The following C21orf91 variants were observed in gnomAD, a reference collection of about 807,000 sequenced individuals.
C21orf91 encodes the protein protein EURL homolog.
Under a neutral mutation model 32.9 loss-of-function variants are expected in C21orf91, and 26 were observed. That is an observed-to-expected ratio of 0.79 (90% confidence interval 0.58 to 1.10). The LOEUF is 1.10. C21orf91 is among the 50% of genes least tolerant of loss of function. The probability of loss-of-function intolerance (pLI) is 0.00; values close to 1 mark genes in which losing one functional copy is unlikely to be tolerated. For synonymous variants in C21orf91, 126 were observed against 120.4 expected (o/e 1.05, Z -0.31); for missense variants, 310 against 341.3 (o/e 0.91, Z 0.72).
At chr21:17,794,009 AC>A (rs1360640617) in intron 4 of C21orf91, among the ~76,000 whole-genome samples, 1 of 152,240 alleles carries the variant, frequency 6.6e-6, no homozygotes, top group Non-Finnish European at 1.5e-5. Context: ...TCCTACTCTT[AC>A]GTGCCTCAGG....
At chr21:17,802,648 T>C (rs2062569777) in intron 2 of C21orf91, among the ~76,000 whole-genome samples, 1 of 152,210 alleles carries the variant, frequency 6.6e-6, no homozygotes, top group Non-Finnish European at 1.5e-5. Flanking sequence ...TCCTCTGCTT[T>C]TACCCCTAGC....
intron 2 of C21orf91, among the ~76,000 whole-genome samples, chr21:17,803,958 A>T (rs1421522615): frequency 6.6e-6 from 1 of 152,228 alleles, no homozygotes; most frequent in Non-Finnish European, 1.5e-5. Context: ...CTGGCTGCTG[A>T]ACTGGGTATG....
In C21orf91 at chr21:17,793,137, A is replaced by C; in HGVS notation, c.*278T>G. The C allele has an allele frequency of 4.7e-6, 1 of 213,444 alleles. No homozygotes were observed. Among genetic ancestry groups the C allele is most frequent in the Non-Finnish European group, 9.2e-6 (1 of 108,598 alleles). 13.2% of individuals were successfully genotyped at this position (213,444 alleles called of 1,614,324 possible). A position where few individuals can be genotyped will look rare whatever the true frequency, so the allele number is the denominator to read the frequency against. On this transcript the variant is annotated 3_prime_UTR_variant, in exon 5 of 5. Transcript: ENST00000284881. ...TGACAGGTGAATTAAAATGTTTAAT[A>C]AAATGACACTGTAACAGTATATTTA...
chr21:17,793,626 G>A (rs776742595), intron 4 of C21orf91, 45 bp from the exon 5 acceptor site: 44 of 1,267,638 alleles, frequency 3.5e-5, no homozygotes, highest in Non-Finnish European at 4.4e-5. Flanking sequence ...GCAGAAAGCC[G>A]GTGCTATGAT....
At chr21:17,815,964 A>C (rs963924007) in intron 2 of C21orf91, among the ~76,000 whole-genome samples, 1 of 152,214 alleles carries the variant, frequency 6.6e-6, no homozygotes, top group African/African-American at 2.4e-5. Context: ...CGGCCTACAA[A>C]AATCTTAAAC....
At chr21:17,808,206 C>T (rs1289525955) in intron 2 of C21orf91, among the ~76,000 whole-genome samples, 2 of 152,240 alleles carry the variant, frequency 1.3e-5, no homozygotes, top group African/African-American at 4.8e-5. Flanking sequence ...CAGCTCCAGC[C>T]ATGGCTAAAA....
rs1008589022 is a variant in C21orf91 at position 17,793,201 on chromosome 21, GAA to G, written c.*212_*213del. The G allele has an allele frequency of 1.4e-5, 5 of 346,944 alleles. No homozygotes were observed. Among genetic ancestry groups the G allele is most frequent in the African/African-American group, 1.1e-4 (5 of 47,530 alleles). The allele number at this position is 346,944 out of a possible 1,614,324, so 21.5% of individuals were successfully genotyped here. On this transcript the variant is annotated 3_prime_UTR_variant, in exon 5 of 5. Coordinates refer to ENST00000284881, the MANE Select transcript of C21orf91 (RefSeq NM_001100420.2). ...GATAAAATTTGTTTAGTAATTCTGG[GAA>G]AAAAGAGTCCCCAAATGAGCCAAAA...
chr21:17,803,395 C>G (rs1355552763), intron 2 of C21orf91, among the ~76,000 whole-genome samples: 2 of 152,106 alleles, frequency 1.3e-5, no homozygotes, highest in Non-Finnish European at 2.9e-5. Flanking sequence ...GTGCATGCAC[C>G]TGTAGTCCCA....
intron 2 of C21orf91, among the ~76,000 whole-genome samples, chr21:17,817,183 G>A (rs2062669429): frequency 6.6e-6 from 1 of 152,084 alleles, no homozygotes. Flanking sequence ...GATATTCTAT[G>A]TAATCCACAA....
chr21:17,801,542 T>C (rs1393499532), intron 2 of C21orf91, among the ~76,000 whole-genome samples: 3 of 152,088 alleles, frequency 2.0e-5, no homozygotes, highest in Non-Finnish European at 4.4e-5. Context: ...AGTGCTGGGA[T>C]TACAGGCTTG....
chr21:17,793,486 T>TC lies in C21orf91; in HGVS notation c.822dup (p.Asn275GlufsTer4), dbSNP rs1568747696. The TC allele has an allele frequency of 6.2e-7, 1 of 1,613,548 alleles. No homozygotes were observed. Among genetic ancestry groups the TC allele is most frequent in the Admixed American group, 1.7e-5 (1 of 59,922 alleles). On this transcript the variant is annotated frameshift_variant, in exon 5 of 5. Coordinates refer to ENST00000284881, the MANE Select transcript of C21orf91 (RefSeq NM_001100420.2). LOFTEE classifies it high-confidence loss of function. ...TGCAGACATGGTAACTTAGAACAGT[T>TC]CTTCAGAAGCTGTTCGATGGCAACG...
intron 3 of C21orf91, 77 bp from the exon 4 acceptor site, chr21:17,795,347 C>T (rs73206398): frequency 1.1e-5 from 11 of 968,774 alleles, no homozygotes; most frequent in Non-Finnish European, 1.8e-5. Context: ...ACACAATATC[C>T]TATTTTTAAA....
At position 17,791,631 on chromosome 21, in the gene C21orf91, G is replaced by A. The variant is rs746891449; in HGVS notation, c.*1784C>T. 2.0e-5 allele frequency: 3 copies of A among 152,036 alleles called. No homozygotes were observed. Among genetic ancestry groups the A allele is most frequent in the Non-Finnish European group, 2.9e-5 (2 of 67,962 alleles). 9.4% of individuals were successfully genotyped at this position (152,036 alleles called of 1,614,324 possible). A position where few individuals can be genotyped will look rare whatever the true frequency, so the allele number is the denominator to read the frequency against. ...AGAGTAAAGTCAAATTTGAAAATGTGGGAACAATTAAGCACTAAGATATTA... is the reference window on the plus strand; with the variant it reads ...AGAGTAAAGTCAAATTTGAAAATGTAGGAACAATTAAGCACTAAGATATTA... On this transcript the variant is annotated 3_prime_UTR_variant, in exon 5 of 5. Coordinates refer to ENST00000284881, the MANE Select transcript of C21orf91 (RefSeq NM_001100420.2).
At chr21:17,813,294 C>A (rs1362452854) in intron 2 of C21orf91, among the ~76,000 whole-genome samples, 1 of 152,188 alleles carries the variant, frequency 6.6e-6, no homozygotes, top group East Asian at 1.9e-4. Context: ...CCAGTTCTAA[C>A]TTCCAAACCA....
chr21:17,817,950 T>C, intron 2 of C21orf91: 1 of 322,792 alleles, frequency 3.1e-6, no homozygotes, highest in Non-Finnish European at 5.6e-6. Context: ...CTCATACTTA[T>C]TTCTGTATTA....
intron 2 of C21orf91, 114 bp downstream of exon 2, chr21:17,818,078 T>G (rs2062676552): frequency 4.2e-6 from 3 of 713,844 alleles, no homozygotes; most frequent in Non-Finnish European, 4.6e-6. Flanking sequence ...TCTACACTAT[T>G]CATACTTAGC....
chr21:17,796,533 C>CA, intron 3 of C21orf91, 49 bp downstream of exon 3: 3 of 1,460,156 alleles, frequency 2.1e-6, no homozygotes, highest in Non-Finnish European at 2.8e-6. Context: ...TACAAATGTA[C>CA]AAAAATCCCA....
chr21:17,810,591 C>G (rs1176145632), intron 2 of C21orf91: 2 of 152,256 alleles, frequency 1.3e-5, no homozygotes, highest in East Asian at 3.8e-4. Flanking sequence ...CTCACACTGT[C>G]TGCTTCCACT....
At chr21:17,810,771 G>A (rs1269230391) in intron 2 of C21orf91, 1 of 152,208 alleles carries the variant, frequency 6.6e-6, no homozygotes, top group Non-Finnish European at 1.5e-5. Context: ...AGACTGTCTT[G>A]TGTGTGTCCT....
Sources: allele counts gnomAD v4.1 joint callset (sites outside exome capture counted in the v4.1 genomes callset), GRCh38; gene constraint gnomAD v4.1.1; transcripts MANE v1.5; gene names NCBI Gene and HGNC (gene_info 2026-07-23, HGNC 2026-07-21).